KARS1: variants seen among roughly 807,000 people sequenced by gnomAD.
KARS1 encodes lysyl-tRNA synthetase 1.
In KARS1, 50 loss-of-function variants were observed where a neutral mutation model predicts 63.9. The observed-to-expected ratio is 0.78, with a 90% CI of 0.62 to 0.99. KARS1 has a LOEUF of 0.99. Among genes scored for constraint, KARS1 ranks in the 50% least tolerant of loss-of-function variants. The probability of loss-of-function intolerance (pLI) is 0.00; values close to 1 mark genes in which losing one functional copy is unlikely to be tolerated. For synonymous variants in KARS1, 320 were observed against 264.6 expected (o/e 1.21, Z -2.03); for missense variants, 816 against 754.5 (o/e 1.08, Z -0.95).
intron 3 of KARS1, chr16:75,639,782 T>TC (rs991095692): frequency 1.8e-5 from 3 of 169,164 alleles, no homozygotes; most frequent in African/African-American, 7.3e-5. Context: ...AGATGTGATT[T>TC]TTTTTTTTTG....
chr16:75,630,375 C>T (rs146765953), intron 11 of KARS1, 48 bp downstream of exon 11: 2 of 1,145,938 alleles, frequency 1.7e-6, no homozygotes, highest in African/African-American at 1.5e-5. Context: ...TTGTTAACAC[C>T]ACTAAGTTTT....
chr16:75,629,836 C>A (rs1261564870), intron 11 of KARS1, among the ~76,000 whole-genome samples: 1 of 152,168 alleles, frequency 6.6e-6, no homozygotes, highest in Non-Finnish European at 1.5e-5. Flanking sequence ...ACATCTAATA[C>A]AATAATTGAA....
Position 75,631,216 on chromosome 16 carries a change from T to G in KARS1, c.1290A>C (p.Lys430Asn). ...RKILDDICVAKAVECPPPRTT... is the reference protein window; with the variant it reads ...RKILDDICVANAVECPPPRTT... Reference sequence around the variant, plus strand: ...TCCGAGGTGGAGGGCATTCAACAGCTTTTGCCACACAGATATCATCAAGAA... The same window carrying G: ...TCCGAGGTGGAGGGCATTCAACAGCGTTTGCCACACAGATATCATCAAGAA... The change falls in exon 10 of 14, where the codon AAA becomes AAC. Residue 430 changes from lysine (K) to asparagine (N), a missense_variant. By Grantham distance (94) the Lys-to-Asn change is moderately conservative. Coordinates refer to ENST00000302445, the MANE Select transcript of KARS1 (RefSeq NM_005548.3). 7 of 1,614,010 alleles carry G rather than the reference T, an allele frequency of 4.3e-6. No individual in the cohort carries two copies. Among genetic ancestry groups the G allele is most frequent in the Non-Finnish European group, 5.9e-6 (7 of 1,179,952 alleles).
In KARS1 at chr16:75,643,225, A is replaced by G. The variant is rs142999303; in HGVS notation, c.63-1502T>C. ...GACAATTTATGGATCATTCTTTCAA[A>G]CCGCTGAACATAATCAAATATTCTG... On this transcript the variant is annotated intron_variant, in intron 1 of 13. Transcript: ENST00000302445. 4.1e-3 allele frequency among the ~76,000 whole-genome samples: 623 copies of G among 152,304 alleles called. 2 individuals carry two copies. Among genetic ancestry groups the G allele is most frequent in the African/African-American group, 0.013 (558 of 41,552 alleles).
intron 1 of KARS1, among the ~76,000 whole-genome samples, chr16:75,642,219 T>TA (rs1491449916): frequency 1.1e-3 from 124 of 110,164 alleles, no homozygotes; most frequent in Non-Finnish European, 1.8e-3. Context: ...TTTTTTTTTT[T>TA]ATGAGACAGA....
rs776655149 is a variant in KARS1, at chr16:75,641,631, G to A, written c.155C>T (p.Thr52Ile). ...AGTGGTGTGGTTGGTGGCAGCAGCAGTGGCTTGGCTTAGCTGTTTCTCACT... is the reference window on the plus strand; with the variant it reads ...AGTGGTGTGGTTGGTGGCAGCAGCAATGGCTTGGCTTAGCTGTTTCTCACT... ...ELSEKQLSQATAAATNHTTDN... is the reference protein window; with the variant it reads ...ELSEKQLSQAIAAATNHTTDN... Residue 52 changes from threonine to isoleucine, a missense_variant, in exon 2 of 14, where the codon ACT (threonine) becomes ATT (isoleucine). Transcript: ENST00000302445. 5.0e-6 allele frequency: 8 copies of A among 1,614,002 alleles called. No individual in the cohort carries two copies. The highest frequency in any genetic ancestry group is 1.1e-5 in the South Asian group (1 of 91,076).
intron 3 of KARS1, among the ~76,000 whole-genome samples, chr16:75,637,476 T>G (rs142181961): frequency 1.3e-5 from 2 of 151,906 alleles, no homozygotes; most frequent in African/African-American, 4.8e-5. Context: ...GAGGGTTGCA[T>G]TAAGAAGATC....
At chr16:75,645,698 T>G (rs1179480792) in intron 1 of KARS1, among the ~76,000 whole-genome samples, 1 of 151,962 alleles carries the variant, frequency 6.6e-6, no homozygotes, top group Non-Finnish European at 1.5e-5. Context: ...ACACAAAAAT[T>G]TAACCGGGTG....
At chr16:75,645,361 G>A (rs1184608833) in intron 1 of KARS1, among the ~76,000 whole-genome samples, 1 of 152,170 alleles carries the variant, frequency 6.6e-6, no homozygotes, top group Middle Eastern at 3.2e-3. Flanking sequence ...ATCACTGCTA[G>A]ACTATATTTT....
chr16:75,647,385 A>G, intron 1 of KARS1, 193 bp downstream of exon 1: 1 of 658,048 alleles, frequency 1.5e-6, no homozygotes, highest in South Asian at 1.7e-5. Flanking sequence ...CCAGCTGGGA[A>G]CGGGGAGCCG....
intron 7 of KARS1, among the ~76,000 whole-genome samples, chr16:75,632,240 A>G (rs915593959): frequency 6.6e-6 from 1 of 152,168 alleles, no homozygotes; most frequent in Admixed American, 6.6e-5. Context: ...CAGTCTCCAA[A>G]AGCCGTAACT....
intron 9 of KARS1, 49 bp from the exon 10 acceptor site, chr16:75,631,302 G>T: frequency 6.3e-7 from 1 of 1,586,104 alleles, no homozygotes; most frequent in Non-Finnish European, 8.7e-7. Context: ...CACTAGCCAA[G>T]TAAAAATGTA....
At chr16:75,638,934 G>A (rs373789158) in intron 3 of KARS1, among the ~76,000 whole-genome samples, 1 of 152,118 alleles carries the variant, frequency 6.6e-6, no homozygotes, top group Admixed American at 6.5e-5. Context: ...TTGGAAGGCC[G>A]TGGCAGGTGG....
At position 75,634,300 on chromosome 16, in the gene KARS1, A is replaced by T; in HGVS notation, c.796-8T>A. ...CATCATGGGAGTTTCAATCTAAAAA[A>T]GGCAGGGAGAAACATCAGTCCTTAG... is the stretch of plus-strand genomic sequence containing the variant. On this transcript the variant is annotated splice_polypyrimidine_tract_variant and splice_region_variant and intron_variant, in intron 6 of 13. Coordinates refer to ENST00000302445, the MANE Select transcript of KARS1 (RefSeq NM_005548.3). The T allele has an allele frequency of 1.2e-6, 2 of 1,613,834 alleles. No individual in the cohort carries two copies. Among genetic ancestry groups the T allele is most frequent in the South Asian group, 2.2e-5 (2 of 91,082 alleles).
At chr16:75,629,380 T>G in intron 12 of KARS1, 35 bp downstream of exon 12, 2 of 1,613,272 alleles carry the variant, frequency 1.2e-6, no homozygotes, top group Non-Finnish European at 1.7e-6. Flanking sequence ...TCCTGGTGAG[T>G]TGGCACAGCT....
rs541160274 is a variant in KARS1, at chr16:75,633,247, G to A, written c.915+926C>T. Among the ~76,000 whole-genome samples the A allele has an allele frequency of 8.5e-5, 13 of 152,262 alleles. No homozygotes were observed. The South Asian group carries it at 2.1e-3, about 24-fold the overall frequency. Reference sequence around the variant, plus strand: ...CACCTCTCTTGGTGTGCAGGTGATCGGACACTCAGCAGGACTGGCAAAACA... The same window carrying A: ...CACCTCTCTTGGTGTGCAGGTGATCAGACACTCAGCAGGACTGGCAAAACA... On this transcript the variant is annotated intron_variant, in intron 7 of 13. Transcript: ENST00000302445.
chr16:75,636,697 G>A (rs371646864), intron 3 of KARS1, 150 bp from the exon 4 acceptor site: 30 of 567,916 alleles, frequency 5.3e-5, no homozygotes, highest in East Asian at 2.5e-4. Context: ...GCAGTGGCAC[G>A]ATCTCAGCTC....
rs528389841 is a variant in KARS1, at chr16:75,640,884, G to C, written c.223-535C>G. ...AATACGTAAACAAATGAGCACAGCT[G>C]TGTTCCAATACAATTTTACTAGTAA... is the stretch of plus-strand genomic sequence containing the variant. On this transcript the variant is annotated intron_variant, in intron 2 of 13. Transcript: ENST00000302445. 4.6e-5 allele frequency among the ~76,000 whole-genome samples: 7 copies of C among 152,318 alleles called. No homozygotes were observed. In the South Asian group the frequency reaches 1.5e-3, roughly 32 times the overall value.
intron 6 of KARS1, 145 bp downstream of exon 6, chr16:75,635,535 C>G: frequency 1.1e-6 from 1 of 942,006 alleles, no homozygotes; most frequent in South Asian, 1.4e-5. Context: ...CAAGGTAGAA[C>G]AGAGACGATG....
Sources: allele counts gnomAD v4.1 joint callset (sites outside exome capture counted in the v4.1 genomes callset), GRCh38; gene constraint gnomAD v4.1.1; transcripts MANE v1.5; gene names NCBI Gene and HGNC (gene_info 2026-07-23, HGNC 2026-07-21).